The following CPLX4 variants were observed in gnomAD, a reference collection of about 807,000 sequenced individuals.
CPLX4 encodes the protein complexin 4.
CPLX4 carries 17 observed loss-of-function variants against 16.1 expected under a neutral mutation model. The ratio of observed to expected loss-of-function variants is 1.06; its 90% CI spans 0.72 to 1.59. The LOEUF (loss-of-function observed/expected upper bound fraction) is 1.59. CPLX4 is among the 40% of genes most tolerant of loss of function. CPLX4 has a pLI of 0.00. For synonymous variants in CPLX4, 55 were observed against 57.8 expected (o/e 0.95, Z 0.22); for missense variants, 193 against 192.9 (o/e 1.00, Z 0.00).
intron 1 of CPLX4, among the ~76,000 whole-genome samples, chr18:59,313,962 G>A (rs2070635339): frequency 6.6e-6 from 1 of 152,162 alleles, no homozygotes; most frequent in Non-Finnish European, 1.5e-5. Flanking sequence ...TTCATTTTCA[G>A]GTGAAAACTG....
rs2070664490 is a variant in CPLX4, at chr18:59,318,324, C to T, written c.139G>A (p.Glu47Lys). 1 of 1,611,892 alleles carries T rather than the reference C, an allele frequency of 6.2e-7. No homozygotes were observed. The highest frequency in any genetic ancestry group is 1.1e-5 in the South Asian group (1 of 90,694). ...AQGMTREEYEEYQKQMIEEKM... is the reference protein window; with the variant it reads ...AQGMTREEYEKYQKQMIEEKM... Reference sequence around the variant, plus strand: ...TCCTCAATCATTTGCTTTTGATACTCCTCATACTCCTCTCTAGTCATCCCT... The same window carrying T: ...TCCTCAATCATTTGCTTTTGATACTTCTCATACTCCTCTCTAGTCATCCCT... The change falls in exon 1 of 3, where the codon GAG becomes AAG. Residue 47 changes from glutamate to lysine, a missense_variant. Coordinates refer to ENST00000299721, the MANE Select transcript of CPLX4 (RefSeq NM_181654.4).
chr18:59,302,318 C>G (rs1424000560), intron 2 of CPLX4, among the ~76,000 whole-genome samples: 1 of 152,184 alleles, frequency 6.6e-6, no homozygotes, highest in African/African-American at 2.4e-5. Context: ...CTCATTACAA[C>G]CCCCAAATAC....
intron 1 of CPLX4, 52 bp downstream of exon 1, chr18:59,318,244 C>A: frequency 6.6e-7 from 1 of 1,520,162 alleles, no homozygotes; most frequent in Non-Finnish European, 8.8e-7. Flanking sequence ...GAAGGTATGG[C>A]CAGAATGAAT....
chr18:59,304,470 A>G (rs1467921974), intron 2 of CPLX4, among the ~76,000 whole-genome samples: 1 of 152,250 alleles, frequency 6.6e-6, no homozygotes, highest in Non-Finnish European at 1.5e-5. Flanking sequence ...AAACTACAAT[A>G]TCCAATCTGG....
At chr18:59,297,065 G>T (rs930027368) in intron 2 of CPLX4, 140 bp from the exon 3 acceptor site, 7 of 1,366,194 alleles carry the variant, frequency 5.1e-6, no homozygotes, top group Non-Finnish European at 4.8e-6. Context: ...GCAGAGCCTG[G>T]TCCTGATGGC....
At chr18:59,312,407 A>ATG (rs2070622612) in intron 2 of CPLX4, among the ~76,000 whole-genome samples, 1 of 145,668 alleles carries the variant, frequency 6.9e-6, no homozygotes, top group Admixed American at 7.0e-5. Flanking sequence ...GTGTGTGCAT[A>ATG]TATATATATA....
At chr18:59,306,813 G>A (rs2070579620) in intron 2 of CPLX4, among the ~76,000 whole-genome samples, 1 of 152,238 alleles carries the variant, frequency 6.6e-6, no homozygotes, top group South Asian at 2.1e-4. Context: ...TGTAACCGCT[G>A]TGGTGGTGAC....
intron 1 of CPLX4, among the ~76,000 whole-genome samples, chr18:59,316,257 G>GTACACA (rs1555670430): frequency 6.6e-6 from 1 of 150,952 alleles, no homozygotes; most frequent in Non-Finnish European, 1.5e-5. Context: ...TGGTGCGTGC[G>GTACACA]CACACACACA....
At chr18:59,313,118 G>C (rs954785469) in intron 1 of CPLX4, among the ~76,000 whole-genome samples, 1 of 152,132 alleles carries the variant, frequency 6.6e-6, no homozygotes, top group African/African-American at 2.4e-5. Flanking sequence ...GACAAATGCA[G>C]CTTCCTGGGC....
intron 1 of CPLX4, among the ~76,000 whole-genome samples, chr18:59,314,221 C>T (rs552872927): frequency 6.6e-6 from 1 of 152,230 alleles, no homozygotes; most frequent in East Asian, 1.9e-4. Flanking sequence ...GATTAGCGAC[C>T]TGCGGCATGG....
At position 59,311,735 on chromosome 18, in the gene CPLX4, G is replaced by A. The variant is rs1379141359; in HGVS notation, c.255+950C>T. On this transcript the variant is annotated intron_variant, in intron 2 of 2. Transcript: ENST00000299721. Reference sequence around the variant, plus strand: ...CAGGTAGTGAAGGTGGAGTCAGGTGGTATGAGTCAGAGTAGCAAAGTGATG... The same window carrying A: ...CAGGTAGTGAAGGTGGAGTCAGGTGATATGAGTCAGAGTAGCAAAGTGATG... Among the ~76,000 whole-genome samples, 5 of 152,218 alleles carry A rather than the reference G, an allele frequency of 3.3e-5. 1 individual carries two copies. The South Asian group carries it at 1.0e-3, about 32-fold the overall frequency.
At chr18:59,304,923 CAGTG>C (rs1460484638) in intron 2 of CPLX4, among the ~76,000 whole-genome samples, 3 of 96,252 alleles carry the variant, frequency 3.1e-5, no homozygotes, top group Non-Finnish European at 2.1e-5. Flanking sequence ...ACTCAACAAT[CAGTG>C]TGTGTGTGTG....
Position 59,318,431 on chromosome 18 carries a change from T to C in CPLX4, c.32A>G (p.Asn11Ser). The C allele has an allele frequency of 6.2e-7, 1 of 1,613,468 alleles. No individual in the cohort carries two copies. Among genetic ancestry groups the C allele is most frequent in the South Asian group, 1.1e-5 (1 of 90,984 alleles). Residue 11 changes from asparagine to serine, a missense_variant, in exon 1 of 3, where the codon AAC (asparagine) becomes AGC (serine). Asn to Ser is a conservative substitution (Grantham distance 46, BLOSUM62 1). Coordinates refer to ENST00000299721, the MANE Select transcript of CPLX4 (RefSeq NM_181654.4). MAFLMKSMISNQVKNLGFGGG... is the reference protein window; with the variant it reads MAFLMKSMISSQVKNLGFGGG... The stretch of plus-strand genomic sequence containing the variant: ...ACCAAATCCTAAATTCTTTACCTGG[T>C]TACTTATCATACTTTTCATAAGGAA...
intron 2 of CPLX4, among the ~76,000 whole-genome samples, chr18:59,310,232 C>CG (rs1012429139): frequency 1.3e-5 from 2 of 152,148 alleles, no homozygotes; most frequent in East Asian, 1.9e-4. Flanking sequence ...GGTCCCTCCC[C>CG]CTAGCTGGCT....
chr18:59,311,878 C>T (rs181401122), intron 2 of CPLX4, among the ~76,000 whole-genome samples: 4 of 152,204 alleles, frequency 2.6e-5, no homozygotes, highest in Admixed American at 2.6e-4. Context: ...CCACAGCCTA[C>T]AGCAGTCACC....
At chr18:59,310,653 T>C (rs2070610335) in intron 2 of CPLX4, among the ~76,000 whole-genome samples, 1 of 152,152 alleles carries the variant, frequency 6.6e-6, no homozygotes, top group Non-Finnish European at 1.5e-5. Flanking sequence ...TAATAAGAGC[T>C]CTATTGTCAG....
chr18:59,296,657 T>A lies in CPLX4; in HGVS notation c.*41A>T. 2.5e-6 allele frequency: 4 copies of A among 1,605,980 alleles called. No homozygotes were observed. The highest frequency in any genetic ancestry group is 3.4e-6 in the Non-Finnish European group (4 of 1,174,842). On this transcript the variant is annotated 3_prime_UTR_variant, in exon 3 of 3. Coordinates refer to ENST00000299721, the MANE Select transcript of CPLX4 (RefSeq NM_181654.4). ...AACGTCCCACAAGAGAGTGGTCTTT[T>A]CCAAGGATGGCTGGTTCCCTCCCTC...
chr18:59,307,797 G>A (rs1485230068), intron 2 of CPLX4, among the ~76,000 whole-genome samples: 1 of 140,862 alleles, frequency 7.1e-6, no homozygotes, highest in Non-Finnish European at 1.5e-5. Flanking sequence ...TGTCGCCCAG[G>A]CTGGAGTGCA....
intron 2 of CPLX4, among the ~76,000 whole-genome samples, chr18:59,305,341 A>G (rs766835197): frequency 1.4e-5 from 2 of 145,644 alleles, no homozygotes; most frequent in Non-Finnish European, 3.0e-5. Flanking sequence ...TTTATTCTAA[A>G]AGACATAGTG....
Sources: gnomAD v4.1 joint callset for allele counts (sites outside exome capture counted in the v4.1 genomes callset) on GRCh38, gnomAD v4.1.1 for gene constraint, MANE v1.5 for transcripts, NCBI Gene and HGNC (gene_info 2026-07-23, HGNC 2026-07-21) for gene names.